Variants in TSPEAR observed in about 807,000 individuals in gnomAD.
The protein encoded by TSPEAR is thrombospondin-type laminin G domain and EAR repeat-containing protein.
TSPEAR carries 69 observed loss-of-function variants against 71.6 expected under a neutral mutation model. That is an observed-to-expected ratio of 0.96 (90% confidence interval 0.79 to 1.18). The LOEUF is 1.18. Ranked by LOEUF, TSPEAR falls within the 50% of genes most tolerant of loss-of-function variation. The pLI is 0.00. For synonymous variants in TSPEAR, 402 were observed against 387.2 expected (o/e 1.04, Z -0.45); for missense variants, 971 against 894.9 (o/e 1.09, Z -1.09).
At chr21:44,634,430 G>GT (rs1983426780) in intron 1 of TSPEAR, among the ~76,000 whole-genome samples, 3 of 152,164 alleles carry the variant, frequency 2.0e-5, no homozygotes, top group Admixed American at 2.0e-4. Context: ...TTGGGCAATG[G>GT]TTTTTTAGAT....
At chr21:44,567,580 C>T (rs2053719145) in intron 2 of TSPEAR, among the ~76,000 whole-genome samples, 1 of 152,152 alleles carries the variant, frequency 6.6e-6, no homozygotes, top group South Asian at 2.1e-4. Flanking sequence ...GCTGTGCAAA[C>T]CACTAGCAAA....
chr21:44,654,444 C>T, intron 1 of TSPEAR: 1 of 1,614,082 alleles, frequency 6.2e-7, no homozygotes, highest in Non-Finnish European at 8.5e-7. Flanking sequence ...AGCAGGCTGG[C>T]TGGCAGCAGG....
intron 1 of TSPEAR, among the ~76,000 whole-genome samples, chr21:44,610,873 A>T (rs782227418): frequency 6.6e-6 from 1 of 152,200 alleles, no homozygotes; most frequent in African/African-American, 2.4e-5. Context: ...GTCAAACGAG[A>T]TCATTTTGGA....
chr21:44,517,445 A>C (rs1197954878), intron 9 of TSPEAR: 4 of 250,378 alleles, frequency 1.6e-5, no homozygotes, highest in South Asian at 4.3e-5. Flanking sequence ...GCACTAGCCA[A>C]TGAGCTGTGA....
chr21:44,701,078 A>G (rs1366997622), intron 1 of TSPEAR, among the ~76,000 whole-genome samples: 2 of 152,172 alleles, frequency 1.3e-5, no homozygotes, highest in Admixed American at 6.5e-5. Flanking sequence ...AGTGAGGAAA[A>G]GCACTTTGCA....
In TSPEAR at chr21:44,522,115, G is replaced by A. The variant is rs781849166; in HGVS notation, c.1337-3C>T. ...ACTGTCGATGTTGTGGTTGTCGCCT[G>A]GAACCAAGGGACTGTGCTGGGGGCA... On this transcript the variant is annotated splice_polypyrimidine_tract_variant and splice_region_variant and intron_variant, in intron 8 of 11. Coordinates refer to ENST00000323084, the MANE Select transcript of TSPEAR (RefSeq NM_144991.3). The A allele has an allele frequency of 3.7e-6, 6 of 1,613,734 alleles. No individual in the cohort carries two copies. Among genetic ancestry groups the A allele is most frequent in the Non-Finnish European group, 5.1e-6 (6 of 1,179,780 alleles).
intron 3 of TSPEAR, 91 bp from the exon 4 acceptor site, chr21:44,531,224 C>T (rs376543121): frequency 2.4e-5 from 24 of 986,030 alleles, no homozygotes; most frequent in East Asian, 2.3e-4. Flanking sequence ...CCTCACTAAG[C>T]AGCGTGCATC....
At position 44,651,977 on chromosome 21, in the gene TSPEAR, T is replaced by C. The variant is rs7509785; in HGVS notation, c.82+59456A>G. ...CTCAGTAAGACTTCTGAATAAAACT[T>C]TCTTTTTTTTTTTTTTTTTTTTTTG... On this transcript the variant is annotated intron_variant, in intron 1 of 11. Coordinates refer to ENST00000323084, the MANE Select transcript of TSPEAR (RefSeq NM_144991.3). Among the ~76,000 whole-genome samples, 1,189 of 134,250 alleles carry C rather than the reference T, an allele frequency of 8.9e-3. 15 individuals are homozygous for C. The highest frequency in any genetic ancestry group is 0.031 in the African/African-American group (1,116 of 35,610). The allele number at this position is 134,250 out of a possible 152,430, so 88.1% of individuals were successfully genotyped here.
At chr21:44,532,726 T>C (rs2052997561) in intron 3 of TSPEAR, among the ~76,000 whole-genome samples, 1 of 151,934 alleles carries the variant, frequency 6.6e-6, no homozygotes, top group South Asian at 2.1e-4. Context: ...CTGACATGGG[T>C]AACCAACTGG....
At chr21:44,548,532 AC>A (rs2053342176) in intron 2 of TSPEAR, among the ~76,000 whole-genome samples, 1 of 152,334 alleles carries the variant, frequency 6.6e-6, no homozygotes, top group Non-Finnish European at 1.5e-5. Context: ...CCACGTCCAA[AC>A]CAGAGGGTGG....
chr21:44,558,534 G>T (rs1326912755), intron 2 of TSPEAR: 1 of 1,613,276 alleles, frequency 6.2e-7, no homozygotes, highest in Non-Finnish European at 8.5e-7. Flanking sequence ...GGGCTCACAG[G>T]CCGCCTGGCA....
In TSPEAR at chr21:44,504,875, C is replaced by T. The variant is rs1601319384; in HGVS notation, c.1761G>A (p.Leu587=). ...CTCCCACCGAGAAAAACTCCCAGTC[C>T]AGAGCACTGCAGGAACAAGTGGGTG... ...KFQDILTCSA[L]DWEFFSVGED... is the part of the protein sequence containing the mutation. Residue 587 remains leucine (L), a synonymous_variant, in exon 11 of 12, where the codon CTG becomes CTA. Coordinates refer to ENST00000323084, the MANE Select transcript of TSPEAR (RefSeq NM_144991.3). The T allele has an allele frequency of 1.2e-6, 2 of 1,612,650 alleles. No individual in the cohort carries two copies. Among genetic ancestry groups the T allele is most frequent in the South Asian group, 1.1e-5 (1 of 91,056 alleles).
At chr21:44,647,105 G>A (rs782020061) in intron 1 of TSPEAR, 1 of 1,613,846 alleles carries the variant, frequency 6.2e-7, no homozygotes, top group South Asian at 1.1e-5. Context: ...TCTTCACGCT[G>A]CCAGCAGCCT....
At chr21:44,644,109 T>C (rs1555939031) in intron 1 of TSPEAR, among the ~76,000 whole-genome samples, 1 of 152,162 alleles carries the variant, frequency 6.6e-6, no homozygotes, top group Non-Finnish European at 1.5e-5. Flanking sequence ...GCCATTCAAC[T>C]CACTCAGATC....
At chr21:44,587,861 T>C (rs782652797) in intron 1 of TSPEAR, among the ~76,000 whole-genome samples, 5 of 152,218 alleles carry the variant, frequency 3.3e-5, no homozygotes, top group Non-Finnish European at 7.3e-5. Flanking sequence ...TCTCACCTTA[T>C]ATAAAAATCA....
chr21:44,518,242 T>C (rs781812952), intron 9 of TSPEAR: 9 of 446,650 alleles, frequency 2.0e-5, no homozygotes, highest in African/African-American at 1.2e-4. Flanking sequence ...CCTTTTTCTT[T>C]AGCCTGACTC....
chr21:44,708,041 ACAC>A lies in TSPEAR; in HGVS notation c.82+3389_82+3391del, dbSNP rs1480512744. Among the ~76,000 whole-genome samples the A allele has an allele frequency of 7.8e-4, 84 of 108,076 alleles. 1 individual carries two copies. In the East Asian group the frequency reaches 0.021, roughly 27 times the overall value. The allele number at this position is 108,076 out of a possible 152,430, so 70.9% of individuals were successfully genotyped here. A position where few individuals can be genotyped will look rare whatever the true frequency, so the allele number is the denominator to read the frequency against. On this transcript the variant is annotated intron_variant, in intron 1 of 11. Coordinates refer to ENST00000323084, the MANE Select transcript of TSPEAR (RefSeq NM_144991.3). ...CACACACACACACACACACACACACACACACCACACAGCACGAGGCGACAGAGA... is the reference window on the plus strand; with the variant it reads ...CACACACACACACACACACACACACAACCACACAGCACGAGGCGACAGAGA...
rs782629946 is a variant in TSPEAR at position 44,499,833 on chromosome 21, A to G, written c.1960T>C (p.Ser654Pro). ...CTGGAGAGGGGCTCCTTGGCGCTGG[A>G]GTAGATGAGGTAGGCACCAGCCGTG... ...STTAGAYLIYSSAKEPLSRVL... is the reference protein window; with the variant it reads ...STTAGAYLIYPSAKEPLSRVL... The change falls in exon 12 of 12, where the codon TCC (serine) becomes CCC (proline). Residue 654 changes from serine (S) to proline (P), a missense_variant. Transcript: ENST00000323084. 2.5e-6 allele frequency: 4 copies of G among 1,592,572 alleles called. No individual in the cohort carries two copies. Among genetic ancestry groups the G allele is most frequent in the Non-Finnish European group, 3.4e-6 (4 of 1,170,806 alleles).
intron 1 of TSPEAR, among the ~76,000 whole-genome samples, chr21:44,665,869 C>G (rs1985724720): frequency 6.6e-6 from 1 of 152,222 alleles, no homozygotes; most frequent in Admixed American, 6.5e-5. Context: ...CATCAGAAAA[C>G]CCAATTGTCA....
Sources: gnomAD v4.1 joint callset for allele counts (sites outside exome capture counted in the v4.1 genomes callset) on GRCh38, gnomAD v4.1.1 for gene constraint, MANE v1.5 for transcripts, NCBI Gene and HGNC (gene_info 2026-07-23, HGNC 2026-07-21) for gene names.